Variants in RBM33 observed in about 807,000 individuals in gnomAD.
RBM33 encodes the protein RNA-binding protein 33.
A neutral mutation model predicts 132.6 loss-of-function variants in RBM33; 28 were observed. That is an observed-to-expected ratio of 0.21 (90% confidence interval 0.16 to 0.29). The LOEUF is 0.29. Among genes scored for constraint, RBM33 ranks in the 10% least tolerant of loss-of-function variants. The pLI is 1.00. For synonymous variants in RBM33, 634 were observed against 593.0 expected (o/e 1.07, Z -1.01); for missense variants, 1,291 against 1,518.5 (o/e 0.85, Z 2.49).
chr7:155,763,017 G>A (rs1466609795), intron 14 of RBM33, among the ~76,000 whole-genome samples: 4 of 152,220 alleles, frequency 2.6e-5, no homozygotes, highest in African/African-American at 9.7e-5. Flanking sequence ...ACATGTTTAT[G>A]CTGCCTGGAC....
chr7:155,765,645 C>T (rs1200622528), intron 15 of RBM33, among the ~76,000 whole-genome samples: 1 of 152,228 alleles, frequency 6.6e-6, no homozygotes, highest in Non-Finnish European at 1.5e-5. Context: ...ACCACCCTGC[C>T]TTCTGCGCTT....
At chr7:155,690,652 G>A (rs556560593) in intron 5 of RBM33, among the ~76,000 whole-genome samples, 1 of 152,228 alleles carries the variant, frequency 6.6e-6, no homozygotes, top group East Asian at 1.9e-4. Flanking sequence ...AACTCTTGTA[G>A]GGCAGGCCTG....
At chr7:155,702,912 G>A (rs1375526876) in intron 6 of RBM33, among the ~76,000 whole-genome samples, 2 of 141,652 alleles carry the variant, frequency 1.4e-5, no homozygotes, top group Non-Finnish European at 3.0e-5. Context: ...TCACTTGCTA[G>A]ACAACATTAC....
intron 9 of RBM33, among the ~76,000 whole-genome samples, chr7:155,735,391 C>A (rs1417409813): frequency 2.6e-5 from 4 of 152,168 alleles, no homozygotes. Flanking sequence ...ATATTATTAG[C>A]AAAGTAAAGA....
At chr7:155,718,610 T>C (rs1276011439) in intron 9 of RBM33, among the ~76,000 whole-genome samples, 167 bp downstream of exon 9, 2 of 152,240 alleles carry the variant, frequency 1.3e-5, no homozygotes, top group East Asian at 3.8e-4. Context: ...TTAAGGTCAG[T>C]GGATTTTTGA....
intron 1 of RBM33, among the ~76,000 whole-genome samples, chr7:155,661,097 GGTGTGT>G (rs59345780): frequency 0.034 from 3,773 of 109,988 alleles, 255 homozygotes; most frequent in African/African-American, 0.13. Context: ...GTGTGTGTGT[GGTGTGT>G]GTGTGTGTGT....
intron 13 of RBM33, among the ~76,000 whole-genome samples, chr7:155,742,320 G>A (rs898854846): frequency 4.8e-5 from 7 of 146,966 alleles, no homozygotes; most frequent in African/African-American, 1.5e-4. Context: ...TATTTGTACA[G>A]TTACTGTTCT....
intron 4 of RBM33, among the ~76,000 whole-genome samples, chr7:155,679,417 T>A (rs1001939429): frequency 6.6e-6 from 1 of 152,204 alleles, no homozygotes; most frequent in Non-Finnish European, 1.5e-5. Flanking sequence ...TTGGGCACTT[T>A]GGGAGGTGCT....
chr7:155,772,013 T>C (rs1802442213), intron 16 of RBM33, among the ~76,000 whole-genome samples: 1 of 152,266 alleles, frequency 6.6e-6, no homozygotes, highest in Non-Finnish European at 1.5e-5. Context: ...TTATGATATA[T>C]GAAATTTTCC....
intron 5 of RBM33, among the ~76,000 whole-genome samples, chr7:155,682,241 AT>A (rs1359359264): frequency 2.6e-5 from 4 of 151,758 alleles, no homozygotes; most frequent in African/African-American, 9.7e-5. Flanking sequence ...TTAAGATTTA[AT>A]TTTTTTTGGT....
In RBM33 at chr7:155,673,940, G is replaced by GT. The variant is rs71186053; in HGVS notation, c.171+1057dup. On this transcript the variant is annotated intron_variant, in intron 3 of 17. Coordinates refer to ENST00000401878, the MANE Select transcript of RBM33 (RefSeq NM_053043.3). The stretch of plus-strand genomic sequence containing the variant: ...TCATTATCAAGATAGTTTAGGCTTA[G>GT]TTTTTTTTTTTTTTTTTTTTTTTTT... 8.6e-3 allele frequency among the ~76,000 whole-genome samples: 468 copies of GT among 54,130 alleles called. 113 individuals carry two copies. Among genetic ancestry groups the GT allele is most frequent in the East Asian group, 0.023 (34 of 1,478 alleles). 35.5% of individuals were successfully genotyped at this position (54,130 alleles called of 152,430 possible). A position where few individuals can be genotyped will look rare whatever the true frequency, so the allele number is the denominator to read the frequency against.
chr7:155,656,220 T>C (rs1280227211), intron 1 of RBM33, among the ~76,000 whole-genome samples: 2 of 152,228 alleles, frequency 1.3e-5, no homozygotes, highest in African/African-American at 4.8e-5. Flanking sequence ...TGTTAACCAG[T>C]GTGATTTTGT....
chr7:155,672,625 A>G (rs1470663774), intron 2 of RBM33, among the ~76,000 whole-genome samples: 1 of 152,008 alleles, frequency 6.6e-6, no homozygotes, highest in South Asian at 2.1e-4. Flanking sequence ...GCATAATGTA[A>G]TCCCAGCTAC....
rs1180192035 is a variant in RBM33, at chr7:155,778,549, G to A, written c.*3508G>A. 1 of 152,252 alleles carries A rather than the reference G, an allele frequency of 6.6e-6. No individual in the cohort carries two copies. Among genetic ancestry groups the A allele is most frequent in the East Asian group, 1.9e-4 (1 of 5,172 alleles). 9.4% of individuals were successfully genotyped at this position (152,252 alleles called of 1,614,324 possible). A position where few individuals can be genotyped will look rare whatever the true frequency, so the allele number is the denominator to read the frequency against. ...TCCAGTCCGGTCGGTGGAGTTGAGA[G>A]CCCTTGGGCCAGGGTGTTTGGCGGC... On this transcript the variant is annotated 3_prime_UTR_variant, in exon 18 of 18. Transcript: ENST00000401878. This position sits in a 1 kb window ranked among gnomAD's most constrained non-coding sequence, Gnocchi z 4.0.
At chr7:155,655,095 T>TA (rs1215325988) in intron 1 of RBM33, among the ~76,000 whole-genome samples, 1 of 152,230 alleles carries the variant, frequency 6.6e-6, no homozygotes, top group East Asian at 1.9e-4. Flanking sequence ...CATAAATCCA[T>TA]AATTAATTCT....
At chr7:155,760,318 CCTT>C (rs557057947) in intron 14 of RBM33, among the ~76,000 whole-genome samples, 1 of 152,194 alleles carries the variant, frequency 6.6e-6, no homozygotes, top group Non-Finnish European at 1.5e-5. Context: ...CGATGGAAGT[CCTT>C]CTTAGAGAGC....
At chr7:155,658,589 C>T (rs140749626) in intron 1 of RBM33, among the ~76,000 whole-genome samples, 3,242 of 152,052 alleles carry the variant, frequency 0.021, 122 homozygotes, top group African/African-American at 0.074. Context: ...TTAGTAGAGA[C>T]GGGGTTTCAC....
At chr7:155,680,167 C>T (rs1384379329) in intron 4 of RBM33, among the ~76,000 whole-genome samples, 2 of 152,112 alleles carry the variant, frequency 1.3e-5, no homozygotes, top group Non-Finnish European at 2.9e-5. Flanking sequence ...TAGAATAATA[C>T]TCCTGTTTTT....
chr7:155,755,543 G>A (rs1188647216), intron 14 of RBM33, among the ~76,000 whole-genome samples: 2 of 152,230 alleles, frequency 1.3e-5, no homozygotes, highest in African/African-American at 4.8e-5. Context: ...GAGAAAAATG[G>A]TTGGGGAATT....
Sources: allele counts gnomAD v4.1 joint callset (sites outside exome capture counted in the v4.1 genomes callset), GRCh38; gene constraint gnomAD v4.1.1; non-coding constraint Gnocchi (gnomAD v3.1); transcripts MANE v1.5; gene names NCBI Gene and HGNC (gene_info 2026-07-23, HGNC 2026-07-21).